SMG6: variants seen among roughly 807,000 people sequenced by gnomAD.
The protein encoded by SMG6 is telomerase-binding protein EST1A.
In SMG6, 66 loss-of-function variants were observed where a neutral mutation model predicts 142.2. That is an observed-to-expected ratio of 0.46 (90% CI 0.38 to 0.57). The LOEUF (loss-of-function observed/expected upper bound fraction) is 0.57. Among genes scored for constraint, SMG6 ranks in the 20% least tolerant of loss-of-function variants. The pLI is 0.00. For missense variants in SMG6, 1,793 were observed against 1,832.0 expected (o/e 0.98, Z 0.39); for synonymous variants, 779 against 702.4 (o/e 1.11, Z -1.72).
At chr17:2,217,968 C>A (rs1425357645) in intron 10 of SMG6, among the ~76,000 whole-genome samples, 1 of 151,698 alleles carries the variant, frequency 6.6e-6, no homozygotes, top group African/African-American at 2.4e-5. Context: ...TGAGATTGTG[C>A]CACCACACTC....
At position 2,228,703 on chromosome 17, in the gene SMG6, A is replaced by G. The variant is rs79811873; in HGVS notation, c.2869+7789T>C. Among the ~76,000 whole-genome samples, 14 of 152,338 alleles carry G rather than the reference A, an allele frequency of 9.2e-5. No individual in the cohort carries two copies. The East Asian group carries it at 2.5e-3, about 27-fold the overall frequency. ...CATATATATACATATACACACACAT[A>G]CATATATACATACTAGGTGATAACA... On this transcript the variant is annotated intron_variant, in intron 10 of 18. Coordinates refer to ENST00000263073, the MANE Select transcript of SMG6 (RefSeq NM_017575.5).
At chr17:2,165,902 C>G (rs1403132906) in intron 13 of SMG6, among the ~76,000 whole-genome samples, 1 of 152,012 alleles carries the variant, frequency 6.6e-6, no homozygotes, top group Non-Finnish European at 1.5e-5. Flanking sequence ...GAGACACTGT[C>G]TCAAAAACAC....
chr17:2,255,248 C>G (rs540158893), intron 8 of SMG6, among the ~76,000 whole-genome samples: 267 of 150,582 alleles, frequency 1.8e-3, no homozygotes, highest in Non-Finnish European at 3.3e-3. Flanking sequence ...ACTAAAAATA[C>G]AAAAAATTAG....
intron 8 of SMG6, among the ~76,000 whole-genome samples, chr17:2,246,484 A>T (rs771775270): frequency 5.9e-5 from 9 of 152,262 alleles, no homozygotes; most frequent in Non-Finnish European, 1.2e-4. Flanking sequence ...GTACATTCTC[A>T]CTTAACCAAT....
intron 6 of SMG6, among the ~76,000 whole-genome samples, chr17:2,286,918 A>T (rs150375019): frequency 0.013 from 1,917 of 146,762 alleles, 24 homozygotes; most frequent in Non-Finnish European, 0.018. Context: ...ACAAAACATA[A>T]AATAATTTTT....
chr17:2,274,573 A>G (rs757066030), intron 8 of SMG6, among the ~76,000 whole-genome samples: 1 of 152,218 alleles, frequency 6.6e-6, no homozygotes, highest in Non-Finnish European at 1.5e-5. Flanking sequence ...ATTACATTCT[A>G]TTTGGATAAC....
At chr17:2,242,687 TTTAAA>T (rs2073836624) in intron 9 of SMG6, among the ~76,000 whole-genome samples, 1 of 45,412 alleles carries the variant, frequency 2.2e-5, no homozygotes, top group African/African-American at 7.5e-5. Context: ...GCTCCATCTC[TTTAAA>T]AAAAAAAAAA....
intron 10 of SMG6, among the ~76,000 whole-genome samples, chr17:2,219,507 T>C (rs1597629397): frequency 6.6e-6 from 1 of 150,734 alleles, no homozygotes; most frequent in East Asian, 2.0e-4. Flanking sequence ...GTAACCTAGG[T>C]CGGGTGCAGT....
intron 8 of SMG6, among the ~76,000 whole-genome samples, chr17:2,258,115 T>G (rs1255527345): frequency 1.3e-5 from 2 of 151,700 alleles, no homozygotes; most frequent in Non-Finnish European, 2.9e-5. Context: ...ATCTTCTATG[T>G]GTAGCACACT....
chr17:2,208,908 G>C (rs569057090), intron 10 of SMG6, among the ~76,000 whole-genome samples: 1 of 152,162 alleles, frequency 6.6e-6, no homozygotes, highest in African/African-American at 2.4e-5. Flanking sequence ...GTCCAGGTGC[G>C]GTGGCTCATG....
chr17:2,260,429 T>C (rs1210282852), intron 8 of SMG6, among the ~76,000 whole-genome samples: 1 of 152,210 alleles, frequency 6.6e-6, no homozygotes, highest in African/African-American at 2.4e-5. Flanking sequence ...TTCCAGCTAG[T>C]TTTTTTGGTC....
chr17:2,227,060 T>TA lies in SMG6; in HGVS notation c.2869+9431dup, dbSNP rs540475687. ...CACACATTTACTAGAATAGCTAAAA[T>TA]AAAAAGAAATGACAATACCAAATGC... On this transcript the variant is annotated intron_variant, in intron 10 of 18. Coordinates refer to ENST00000263073, the MANE Select transcript of SMG6 (RefSeq NM_017575.5). 3.7e-3 allele frequency among the ~76,000 whole-genome samples: 564 copies of TA among 152,184 alleles called. 1 individual carries two copies. Among genetic ancestry groups the TA allele is most frequent in the African/African-American group, 0.013 (528 of 41,504 alleles).
chr17:2,246,241 T>C (rs536680525), intron 8 of SMG6, among the ~76,000 whole-genome samples: 1 of 152,326 alleles, frequency 6.6e-6, no homozygotes, highest in South Asian at 2.1e-4. Flanking sequence ...AACCTCCTTG[T>C]CATCTTCCCT....
chr17:2,065,258 C>A (rs1161638183), intron 17 of SMG6, 104 bp from the exon 18 acceptor site: 3 of 1,061,636 alleles, frequency 2.8e-6, no homozygotes, highest in Non-Finnish European at 4.3e-6. Context: ...GGGCCACCTC[C>A]CCGATCCCTC....
At position 2,172,655 on chromosome 17, in the gene SMG6, G is replaced by A. The variant is rs769411653; in HGVS notation, c.3357+3C>T. ...GGGGAGGGATGTTTGGCCTGGGGCTGACCTTATCCGAGGTTTTCTCCACGT... is the reference window on the plus strand; with the variant it reads ...GGGGAGGGATGTTTGGCCTGGGGCTAACCTTATCCGAGGTTTTCTCCACGT... On this transcript the variant is annotated splice_donor_region_variant and intron_variant, in intron 13 of 18. Coordinates refer to ENST00000263073, the MANE Select transcript of SMG6 (RefSeq NM_017575.5). 6.2e-7 allele frequency: 1 copy of A among 1,613,018 alleles called. No homozygotes were observed. The highest frequency in any genetic ancestry group is 8.5e-7 in the Non-Finnish European group (1 of 1,180,010).
chr17:2,219,795 C>T (rs1190457517), intron 10 of SMG6, among the ~76,000 whole-genome samples: 6 of 105,092 alleles, frequency 5.7e-5, no homozygotes, highest in African/African-American at 2.4e-4. Context: ...CAGAACAAGA[C>T]CCTTTATCAA....
intron 12 of SMG6, among the ~76,000 whole-genome samples, chr17:2,181,866 G>C (rs2071816699): frequency 6.6e-6 from 1 of 152,252 alleles, no homozygotes; most frequent in South Asian, 2.1e-4. Context: ...AGCACTTCCT[G>C]TGTGAGCTTT....
At chr17:2,062,194 G>A (rs1172910180) in intron 18 of SMG6, 4 of 152,714 alleles carry the variant, frequency 2.6e-5, no homozygotes, top group Non-Finnish European at 4.4e-5. Context: ...GGCACACCAA[G>A]GCTTTGGCCA....
Position 2,299,410 on chromosome 17 carries a change from C to T in SMG6, c.1343G>A (p.Arg448His), listed in dbSNP as rs781405674. The T allele has an allele frequency of 3.1e-6, 5 of 1,613,818 alleles. No homozygotes were observed. The highest frequency in any genetic ancestry group is 4.2e-6 in the Non-Finnish European group (5 of 1,180,036). Residue 448 changes from arginine to histidine, a missense_variant, in exon 2 of 19, where the codon CGT becomes CAT. Transcript: ENST00000263073. The surrounding 1 kb of genome is among the most constrained non-coding windows in gnomAD (Gnocchi z 4.3). ...SGSKGSRSWG[R>H]GGTTRRLWDP... ...CCACAATCGGCGTGTGGTGCCTCCA[C>T]GGCCCCAACTCCGAGATCCCTTACT...
Sources: gnomAD v4.1 joint callset for allele counts (sites outside exome capture counted in the v4.1 genomes callset) on GRCh38, gnomAD v4.1.1 for gene constraint, Gnocchi (gnomAD v3.1) non-coding constraint, MANE v1.5 for transcripts, NCBI Gene and HGNC (gene_info 2026-07-23, HGNC 2026-07-21) for gene names.